Variants in EIF3E observed in about 807,000 individuals in gnomAD.
EIF3E encodes the protein eukaryotic translation initiation factor 3 subunit E, also known as eIF-3 p48.
EIF3E carries 25 observed loss-of-function variants against 59.3 expected under a neutral mutation model. That is an observed-to-expected ratio of 0.42 (90% confidence interval 0.31 to 0.59). The LOEUF is 0.59. EIF3E is among the 20% of genes least tolerant of loss of function. The pLI, the probability that EIF3E is intolerant of heterozygous loss-of-function variation, is 0.15. For missense variants in EIF3E, 317 were observed against 534.3 expected (o/e 0.59, Z 4.01); for synonymous variants, 176 against 170.2 (o/e 1.03, Z -0.26).
At chr8:108,207,261 AG>A (rs1405127765) in intron 10 of EIF3E, among the ~76,000 whole-genome samples, 2 of 152,156 alleles carry the variant, frequency 1.3e-5, no homozygotes, top group East Asian at 3.9e-4. Context: ...GCTTGAGCCC[AG>A]GAATTTCAGA....
intron 10 of EIF3E, among the ~76,000 whole-genome samples, chr8:108,209,177 G>T (rs974926756): frequency 6.6e-6 from 1 of 152,046 alleles, no homozygotes; most frequent in Admixed American, 6.5e-5. Flanking sequence ...GGGAGAAAAA[G>T]AAGCTGAGAT....
intron 3 of EIF3E, among the ~76,000 whole-genome samples, chr8:108,236,837 C>A (rs1360633783): frequency 6.6e-6 from 1 of 152,038 alleles, no homozygotes; most frequent in Non-Finnish European, 1.5e-5. Flanking sequence ...GCCTGGCAAA[C>A]ATGGTGAGAC....
chr8:108,202,266 ATATGCAACTTGAATTC>A (rs1815008338), intron 12 of EIF3E, among the ~76,000 whole-genome samples: 1 of 152,104 alleles, frequency 6.6e-6, no homozygotes, highest in Admixed American at 6.6e-5. Context: ...CTTGGCTAAA[ATATGCAACTTGAATTC>A]TAATGCATCC....
chr8:108,205,503 C>T (rs867146263), intron 10 of EIF3E, among the ~76,000 whole-genome samples: 1 of 152,144 alleles, frequency 6.6e-6, no homozygotes, highest in East Asian at 1.9e-4. Context: ...CCCACTTATC[C>T]GTAGTTCCAC....
chr8:108,221,795 TAC>T (rs1554599509), intron 7 of EIF3E, among the ~76,000 whole-genome samples: 17 of 146,916 alleles, frequency 1.2e-4, no homozygotes, highest in African/African-American at 3.7e-4. Context: ...GCTGCCAGAC[TAC>T]ACACACACGC....
At chr8:108,246,110 A>C (rs1815942923) in intron 1 of EIF3E, among the ~76,000 whole-genome samples, 1 of 152,214 alleles carries the variant, frequency 6.6e-6, no homozygotes, top group Non-Finnish European at 1.5e-5. Flanking sequence ...TACATTGGAC[A>C]AAAGGATGAT....
At position 108,242,513 on chromosome 8, in the gene EIF3E, C is replaced by G. The variant is rs1331580237; in HGVS notation, c.91-600G>C. 4 of 1,181,578 alleles carry G rather than the reference C, an allele frequency of 3.4e-6. No individual in the cohort carries two copies. In the African/African-American group the frequency reaches 6.4e-5, roughly 19 times the overall value. 73.2% of individuals were successfully genotyped at this position (1,181,578 alleles called of 1,614,324 possible). On this transcript the variant is annotated intron_variant, in intron 1 of 12. Transcript: ENST00000220849. ...ATATGTAAAGATTCTACAAAATATTCACGGACAGAAATGCTTCAGCAAAAG... is the reference window on the plus strand; with the variant it reads ...ATATGTAAAGATTCTACAAAATATTGACGGACAGAAATGCTTCAGCAAAAG...
At chr8:108,216,581 T>C (rs1586196115) in intron 8 of EIF3E, 68 bp from the exon 9 acceptor site, 2 of 1,043,640 alleles carry the variant, frequency 1.9e-6, no homozygotes, top group African/African-American at 3.3e-5. Context: ...CCCCAGAATA[T>C]CCCAATCTTC....
chr8:108,222,434 T>C (rs1033711057), intron 7 of EIF3E, among the ~76,000 whole-genome samples: 5 of 152,192 alleles, frequency 3.3e-5, no homozygotes, highest in Admixed American at 1.3e-4. Context: ...CATCTATATA[T>C]AGATAAGGAG....
At chr8:108,242,253 T>C (rs1355582668) in intron 1 of EIF3E, 2 of 1,294,356 alleles carry the variant, frequency 1.5e-6, no homozygotes, top group East Asian at 5.4e-5. Context: ...CCACGCCATC[T>C]TTCCTGTAAA....
At chr8:108,225,700 A>G (rs576300352) in intron 7 of EIF3E, among the ~76,000 whole-genome samples, 1 of 151,740 alleles carries the variant, frequency 6.6e-6, no homozygotes, top group Admixed American at 6.5e-5. Context: ...GGATATTATT[A>G]ATAAAACACA....
At chr8:108,217,836 T>C (rs1350442347) in intron 7 of EIF3E, among the ~76,000 whole-genome samples, 2 of 152,176 alleles carry the variant, frequency 1.3e-5, no homozygotes, top group Non-Finnish European at 2.9e-5. Flanking sequence ...AAAACCTATG[T>C]GCAAAGCACT....
At chr8:108,234,960 C>CAAAAAAAAAAAAAA in intron 5 of EIF3E, 38 bp downstream of exon 5, 4 of 872,006 alleles carry the variant, frequency 4.6e-6, no homozygotes, top group South Asian at 2.2e-5. Context: ...CTACAAAAGA[C>CAAAAAAAAAAAAAA]AAAAAAAAAA....
intron 9 of EIF3E, among the ~76,000 whole-genome samples, chr8:108,215,145 G>C (rs1178166762): frequency 6.6e-6 from 1 of 152,132 alleles, no homozygotes; most frequent in African/African-American, 2.4e-5. Flanking sequence ...AATTAAGAGA[G>C]AATATTTTAA....
chr8:108,212,488 A>G (rs2129857352), intron 10 of EIF3E, among the ~76,000 whole-genome samples: 1 of 152,310 alleles, frequency 6.6e-6, no homozygotes, highest in African/African-American at 2.4e-5. Flanking sequence ...TTTCTTTCAG[A>G]TTGAAAATTC....
rs373866664 is a variant in EIF3E at position 108,230,983 on chromosome 8, A to G, written c.472-1788T>C. 5.9e-5 allele frequency among the ~76,000 whole-genome samples: 9 copies of G among 152,312 alleles called. No individual in the cohort carries two copies. In the East Asian group the frequency reaches 1.3e-3, roughly 23 times the overall value. On this transcript the variant is annotated intron_variant, in intron 5 of 12. Coordinates refer to ENST00000220849, the MANE Select transcript of EIF3E (RefSeq NM_001568.3). ...ACAGGCAAAACTAATCTACAGGGACAGAAAGCAGGTCAATGGATGCCCAGG... is the reference window on the plus strand; with the variant it reads ...ACAGGCAAAACTAATCTACAGGGACGGAAAGCAGGTCAATGGATGCCCAGG...
At chr8:108,247,451 G>C (rs985881293) in intron 1 of EIF3E, among the ~76,000 whole-genome samples, 1 of 152,098 alleles carries the variant, frequency 6.6e-6, no homozygotes, top group African/African-American at 2.4e-5. Context: ...AATATATCAA[G>C]AGAAAGTTTT....
At chr8:108,245,311 C>CA (rs1298050491) in intron 1 of EIF3E, among the ~76,000 whole-genome samples, 3 of 151,792 alleles carry the variant, frequency 2.0e-5, no homozygotes, top group South Asian at 2.1e-4. Flanking sequence ...ACAAAAAATA[C>CA]AAAAAAAATC....
intron 12 of EIF3E, among the ~76,000 whole-genome samples, chr8:108,202,372 C>T (rs1383165981): frequency 1.3e-5 from 2 of 151,948 alleles, no homozygotes; most frequent in East Asian, 1.9e-4. Flanking sequence ...TCTGCATATC[C>T]CACAACTGCT....
Sources: gnomAD v4.1 joint callset for allele counts (sites outside exome capture counted in the v4.1 genomes callset) on GRCh38, gnomAD v4.1.1 for gene constraint, MANE v1.5 for transcripts, NCBI Gene and HGNC (gene_info 2026-07-23, HGNC 2026-07-21) for gene names.